Variants in GMDS observed in about 807,000 individuals in gnomAD.
The protein encoded by GMDS is GDP-mannose 4,6 dehydratase.
Under a neutral mutation model 49.9 loss-of-function variants are expected in GMDS, and 20 were observed. The observed-to-expected ratio is 0.40, with a 90% CI of 0.28 to 0.58. The LOEUF is 0.58. Among genes scored for constraint, GMDS ranks in the 20% least tolerant of loss-of-function variants. GMDS has a pLI of 0.42. For missense variants in GMDS, 362 were observed against 481.4 expected (o/e 0.75, Z 2.32); for synonymous variants, 177 against 178.6 (o/e 0.99, Z 0.07).
chr6:1,893,034 G>A (rs569395749), intron 7 of GMDS, among the ~76,000 whole-genome samples: 25 of 152,256 alleles, frequency 1.6e-4, no homozygotes, highest in South Asian at 8.3e-4. Flanking sequence ...AGAGGGCAAC[G>A]AAAGTGCAAG....
intron 1 of GMDS, among the ~76,000 whole-genome samples, chr6:2,222,795 T>C (rs1023681286): frequency 6.6e-6 from 1 of 152,118 alleles, no homozygotes; most frequent in Non-Finnish European, 1.5e-5. Context: ...GCAGTTAATT[T>C]TGTGTGCTAA....
At chr6:2,141,818 G>A (rs943493372) in intron 1 of GMDS, among the ~76,000 whole-genome samples, 1 of 151,698 alleles carries the variant, frequency 6.6e-6, no homozygotes. Context: ...GCACGGCTGC[G>A]ACCTAACGAC....
rs112901134 is a variant in GMDS, at chr6:2,003,642, T to A, written c.346-42676A>T. ...TTTCCTTAATCATAAAGTATTTGCC[T>A]TACAATCTCAAAGCAGTTAAATTGG... On this transcript the variant is annotated intron_variant, in intron 4 of 10. Coordinates refer to ENST00000380815, the MANE Select transcript of GMDS (RefSeq NM_001500.4). Among the ~76,000 whole-genome samples the A allele has an allele frequency of 9.0e-3, 1,364 of 152,278 alleles. 20 individuals carry two copies. The highest frequency in any genetic ancestry group is 0.031 in the African/African-American group (1,304 of 41,560).
intron 4 of GMDS, among the ~76,000 whole-genome samples, chr6:1,974,868 T>C (rs1764808305): frequency 7.8e-6 from 1 of 128,292 alleles, no homozygotes; most frequent in Non-Finnish European, 1.6e-5. Context: ...CCGTCTCTAT[T>C]AAAAAAAAAA....
chr6:1,766,690 C>T lies in GMDS; in HGVS notation c.772-24104G>A, dbSNP rs151217725. 2.9e-4 allele frequency among the ~76,000 whole-genome samples: 44 copies of T among 152,302 alleles called. 2 individuals are homozygous for T. In the East Asian group the frequency reaches 6.6e-3, roughly 23 times the overall value. ...CAGCAAGCGCCCCGTTTCCCACAGA[C>T]GGTTCCCACCTGGGGATGTTGAACC... On this transcript the variant is annotated intron_variant, in intron 7 of 10. Coordinates refer to ENST00000380815, the MANE Select transcript of GMDS (RefSeq NM_001500.4). The surrounding 1 kb of genome is among the most constrained non-coding windows in gnomAD (Gnocchi z 4.5).
intron 8 of GMDS, among the ~76,000 whole-genome samples, chr6:1,741,481 TTTGGAAAATTTTCCAAA>T (rs1337054055): frequency 2.0e-5 from 3 of 152,202 alleles, no homozygotes; most frequent in African/African-American, 7.2e-5. Context: ...ATGAAAGAAA[TTTGGAAAATTTTCCAAA>T]TTTCTTTCAT....
chr6:1,895,923 A>T (rs1387574357), intron 7 of GMDS, among the ~76,000 whole-genome samples: 1 of 152,056 alleles, frequency 6.6e-6, no homozygotes, highest in Non-Finnish European at 1.5e-5. Context: ...CCATTCTTCT[A>T]CTCAACTATT....
intron 9 of GMDS, among the ~76,000 whole-genome samples, chr6:1,698,255 G>A (rs1034531682): frequency 1.3e-5 from 2 of 152,196 alleles, no homozygotes; most frequent in Non-Finnish European, 2.9e-5. Context: ...TACATACACT[G>A]CAGTATTTAT....
At chr6:2,100,819 T>C (rs1445991717) in intron 4 of GMDS, among the ~76,000 whole-genome samples, 2 of 152,008 alleles carry the variant, frequency 1.3e-5, no homozygotes, top group Non-Finnish European at 2.9e-5. Context: ...CCCCGAAAAG[T>C]GAAGGCACGC....
chr6:1,739,198 G>A (rs1418323574), intron 8 of GMDS, among the ~76,000 whole-genome samples: 1 of 152,220 alleles, frequency 6.6e-6, no homozygotes, highest in Non-Finnish European at 1.5e-5. Context: ...GGAAAGAGGA[G>A]CGTCTTGGGT....
At chr6:2,180,898 T>A (rs1778490245) in intron 1 of GMDS, among the ~76,000 whole-genome samples, 1 of 152,112 alleles carries the variant, frequency 6.6e-6, no homozygotes, top group Non-Finnish European at 1.5e-5. Context: ...CCAGGTGCGG[T>A]GGATCAAGCC....
intron 6 of GMDS, among the ~76,000 whole-genome samples, chr6:1,955,682 G>A (rs1763597078): frequency 6.6e-6 from 1 of 151,470 alleles, no homozygotes; most frequent in Non-Finnish European, 1.5e-5. Flanking sequence ...GCTAGCATAG[G>A]TGATTCTTAC....
rs143151330 is a variant in GMDS at position 2,206,114 on chromosome 6, C to T, written c.102+39207G>A. 7.5e-3 allele frequency among the ~76,000 whole-genome samples: 1,145 copies of T among 152,078 alleles called. 22 individuals carry two copies. Among genetic ancestry groups the T allele is most frequent in the African/African-American group, 0.026 (1,084 of 41,462 alleles). On this transcript the variant is annotated intron_variant, in intron 1 of 10. Transcript: ENST00000380815. ...TCTCTACTAAAAATACAAAATTAGC[C>T]GGGCGTGGTGGCACATGCCTGTAAT...
intron 4 of GMDS, among the ~76,000 whole-genome samples, chr6:2,073,243 T>G (rs1772120136): frequency 6.6e-6 from 1 of 152,176 alleles, no homozygotes; most frequent in South Asian, 2.1e-4. Flanking sequence ...CGTGGCATCC[T>G]GGAAAGGCAG....
intron 9 of GMDS, among the ~76,000 whole-genome samples, chr6:1,668,150 G>GT (rs1325497981): frequency 1.3e-5 from 2 of 152,334 alleles, no homozygotes; most frequent in East Asian, 3.9e-4. Context: ...TTTCAAAAGA[G>GT]AAGGCTGATC....
intron 4 of GMDS, among the ~76,000 whole-genome samples, chr6:2,086,831 T>C (rs1483513502): frequency 2.6e-5 from 4 of 152,224 alleles, no homozygotes; most frequent in Non-Finnish European, 5.9e-5. Flanking sequence ...CCGACTATAA[T>C]AGTTTTCCTT....
rs755554492 is a variant in GMDS at position 1,726,480 on chromosome 6, C to T, written c.923G>A (p.Arg308Lys). 9 of 1,613,398 alleles carry T rather than the reference C, an allele frequency of 5.6e-6. No individual in the cohort carries two copies. The South Asian group carries it at 9.9e-5, about 18-fold the overall frequency. The change falls in exon 9 of 11, where the codon AGA becomes AAA. Residue 308 changes from arginine (R) to lysine (K), a missense_variant. Arg to Lys is a conservative substitution (Grantham distance 26, BLOSUM62 2). Coordinates refer to ENST00000380815, the MANE Select transcript of GMDS (RefSeq NM_001500.4). ...WEGKNENEVG[R>K]CKETGKVHVT... ...GTGAACTTTGCCGGTCTCTTTACAT[C>T]TGCCCACTTCATTTTCATTCTTTCC... is the stretch of plus-strand genomic sequence containing the variant.
At chr6:2,037,924 T>C (rs373170266) in intron 4 of GMDS, among the ~76,000 whole-genome samples, 1 of 152,304 alleles carries the variant, frequency 6.6e-6, no homozygotes, top group South Asian at 2.1e-4. Flanking sequence ...AAATAAGTAC[T>C]GTAAGTAGTA....
chr6:1,832,156 G>A (rs982127659), intron 7 of GMDS, among the ~76,000 whole-genome samples: 4 of 151,258 alleles, frequency 2.6e-5, no homozygotes, highest in African/African-American at 7.3e-5. Context: ...TTGCTATATT[G>A]CCCAGGCTGG....
Sources: gnomAD v4.1 joint callset for allele counts (sites outside exome capture counted in the v4.1 genomes callset) on GRCh38, gnomAD v4.1.1 for gene constraint, Gnocchi (gnomAD v3.1) non-coding constraint, MANE v1.5 for transcripts, NCBI Gene and HGNC (gene_info 2026-07-23, HGNC 2026-07-21) for gene names.